The following TAF4 variants were observed in gnomAD, a reference collection of about 807,000 sequenced individuals.
The protein encoded by TAF4 is transcription initiation factor TFIID subunit 4.
TAF4 carries 9 observed loss-of-function variants against 90.3 expected under a neutral mutation model. The observed-to-expected ratio is 0.10, with a 90% CI of 0.06 to 0.17. The LOEUF is 0.17. Ranked by LOEUF, TAF4 falls within the 10% of genes least tolerant of loss-of-function variation. TAF4 has a pLI of 1.00. For synonymous variants in TAF4, 818 were observed against 638.9 expected (o/e 1.28, Z -4.23); for missense variants, 1,351 against 1,370.7 (o/e 0.99, Z 0.23).
chr20:62,010,309 C>T lies in TAF4; in HGVS notation c.1642-144G>A. 8.0e-7 allele frequency: 1 copy of T among 1,245,540 alleles called. No homozygotes were observed. Among genetic ancestry groups the T allele is most frequent in the East Asian group, 2.5e-5 (1 of 40,342 alleles). 77.2% of individuals were successfully genotyped at this position (1,245,540 alleles called of 1,614,324 possible). A position where few individuals can be genotyped will look rare whatever the true frequency, so the allele number is the denominator to read the frequency against. ...GAAGCCAAGGACCCCGGCCACCTGCCAGCCCGCTGGACACGGGAGTGCTGC... is the reference window on the plus strand; with the variant it reads ...GAAGCCAAGGACCCCGGCCACCTGCTAGCCCGCTGGACACGGGAGTGCTGC... On this transcript the variant is annotated intron_variant, in intron 3 of 14. Transcript: ENST00000252996. The surrounding 1 kb of genome is among the most constrained non-coding windows in gnomAD (Gnocchi z 4.5).
At chr20:62,060,880 T>C (rs1002496514) in intron 1 of TAF4, among the ~76,000 whole-genome samples, 2 of 151,986 alleles carry the variant, frequency 1.3e-5, no homozygotes, top group Non-Finnish European at 2.9e-5. Flanking sequence ...TGAGAAAACA[T>C]CCAGTCTGGA....
intron 1 of TAF4, among the ~76,000 whole-genome samples, chr20:62,050,410 C>T (rs930509255): frequency 2.0e-5 from 3 of 152,128 alleles, no homozygotes; most frequent in African/African-American, 7.2e-5. Context: ...CAACTTCTGA[C>T]GACTCTTCCC....
intron 14 of TAF4, among the ~76,000 whole-genome samples, chr20:61,977,239 C>T (rs1408136516): frequency 1.3e-5 from 2 of 150,194 alleles, no homozygotes; most frequent in African/African-American, 4.9e-5. Context: ...CAGCGGGGCG[C>T]GCACCACACA....
intron 1 of TAF4, among the ~76,000 whole-genome samples, chr20:62,022,017 G>A (rs890213476): frequency 2.0e-5 from 3 of 152,010 alleles, no homozygotes; most frequent in East Asian, 1.9e-4. Flanking sequence ...GAGGCGGAGC[G>A]GGCCCTCCAG....
Position 62,034,056 on chromosome 20 carries a change from A to G in TAF4, c.1361-19349T>C, listed in dbSNP as rs572109582. ...GACTCTGTCTCCAAAAAAAAAAAAA[A>G]GAAAATGAGTGGGAAAGAACTTCCT... is the stretch of plus-strand genomic sequence containing the variant. On this transcript the variant is annotated intron_variant, in intron 1 of 14. Coordinates refer to ENST00000252996, the MANE Select transcript of TAF4 (RefSeq NM_003185.4). Among the ~76,000 whole-genome samples the G allele has an allele frequency of 4.6e-5, 7 of 152,040 alleles. No homozygotes were observed. The East Asian group carries it at 1.4e-3, about 29-fold the overall frequency.
rs1023662569 is a variant in TAF4, at chr20:62,050,851, G to A, written c.1360+13600C>T. Among the ~76,000 whole-genome samples the A allele has an allele frequency of 6.3e-4, 96 of 151,974 alleles. 2 individuals carry two copies. The highest frequency in any genetic ancestry group is 2.2e-3 in the African/African-American group (91 of 41,462). ...CCCCACACCTGGCCCCCCAGAACAA[G>A]GCATGCCCAGCGCTGCTTCCTCCTG... On this transcript the variant is annotated intron_variant, in intron 1 of 14. Transcript: ENST00000252996.
chr20:62,065,805 C>T lies in TAF4; in HGVS notation c.6G>A (p.Ala2=), dbSNP rs1600871079. ...CCTCGTCCAGCAGATCCGAGCCCGC[C>T]GCCATCTTTTTTCCTCGGCCGCCGC... is the stretch of plus-strand genomic sequence containing the variant. M[A]AGSDLLDEVF... is the part of the protein sequence containing the mutation. The change falls in exon 1 of 15, where the codon GCG becomes GCA. Residue 2 remains alanine, a synonymous_variant. Coordinates refer to ENST00000252996, the MANE Select transcript of TAF4 (RefSeq NM_003185.4). 2.3e-6 allele frequency: 3 copies of T among 1,297,476 alleles called. No homozygotes were observed. The highest frequency in any genetic ancestry group is 3.0e-6 in the Non-Finnish European group (3 of 1,001,514). The allele number at this position is 1,297,476 out of a possible 1,614,324, so 80.4% of individuals were successfully genotyped here.
chr20:62,057,572 C>G (rs151086289), intron 1 of TAF4, among the ~76,000 whole-genome samples: 17 of 152,324 alleles, frequency 1.1e-4, no homozygotes, highest in Admixed American at 3.3e-4. Flanking sequence ...TCGGCGCTTT[C>G]CAGTGATGCC....
intron 3 of TAF4, 167 bp downstream of exon 3, chr20:62,012,648 G>T: frequency 2.2e-6 from 2 of 903,892 alleles, no homozygotes; most frequent in Non-Finnish European, 3.1e-6. Context: ...ATCCCATGTT[G>T]GTGGTCAAAG....
At chr20:62,040,528 G>A (rs2055957759) in intron 1 of TAF4, among the ~76,000 whole-genome samples, 1 of 152,260 alleles carries the variant, frequency 6.6e-6, no homozygotes, top group Admixed American at 6.5e-5. Context: ...GTACTCGACG[G>A]TGGTGGTGAC....
chr20:62,064,768 T>C lies in TAF4; in HGVS notation c.1043A>G (p.Lys348Arg). 8.8e-7 allele frequency: 1 copy of C among 1,131,370 alleles called. No individual in the cohort carries two copies. The highest frequency in any genetic ancestry group is 1.1e-6 in the Non-Finnish European group (1 of 927,188). The allele number at this position is 1,131,370 out of a possible 1,614,324, so 70.1% of individuals were successfully genotyped here. A position where few individuals can be genotyped will look rare whatever the true frequency, so the allele number is the denominator to read the frequency against. The change falls in exon 1 of 15, where the codon AAG becomes AGG. Residue 348 changes from lysine to arginine, a missense_variant. Transcript: ENST00000252996. Reference protein sequence around the residue: ...PAPGVKAESPKRVVQAAPPAA... With the variant: ...PAPGVKAESPRRVVQAAPPAA... The stretch of plus-strand genomic sequence containing the variant: ...CGGGGGCGCCGCCTGCACCACCCTC[T>C]TGGGCGACTCGGCCTTGACCCCCGG...
At position 61,975,914 on chromosome 20, in the gene TAF4, G is replaced by C; in HGVS notation, c.*254C>G. 2.0e-6 allele frequency: 1 copy of C among 495,022 alleles called. No individual in the cohort carries two copies. The highest frequency in any genetic ancestry group is 2.8e-5 in the South Asian group (1 of 35,572). 30.7% of individuals were successfully genotyped at this position (495,022 alleles called of 1,614,324 possible). ...AACGATTCCATCAGTCTTTATATAT[G>C]GCTTGTTTGGCAGGAAGGCCACTCA... On this transcript the variant is annotated 3_prime_UTR_variant, in exon 15 of 15. Transcript: ENST00000252996.
intron 14 of TAF4, among the ~76,000 whole-genome samples, chr20:61,987,448 G>C (rs182016288): frequency 1.5e-4 from 23 of 152,292 alleles, no homozygotes; most frequent in African/African-American, 5.3e-4. Context: ...AATATACCAA[G>C]AACTCCTGAA....
intron 14 of TAF4, among the ~76,000 whole-genome samples, chr20:61,984,368 T>G (rs1442447189): frequency 2.0e-5 from 3 of 152,082 alleles, no homozygotes; most frequent in Non-Finnish European, 4.4e-5. Flanking sequence ...CACCAACCCC[T>G]CAATTCAGCA....
chr20:62,065,556 C>T lies in TAF4; in HGVS notation c.255G>A (p.Ala85=). ...PAAPAEGAPG[A]APEPPPAGRA... ...TACCTGCGGGGGGCGGCTCCGGCGC[C>T]GCTCCGGGCGCGCCCTCGGCGGGGG... Residue 85 remains alanine (A), a synonymous_variant, in exon 1 of 15, where the codon GCG becomes GCA. Transcript: ENST00000252996. 1 of 976,280 alleles carries T rather than the reference C, an allele frequency of 1.0e-6. No homozygotes were observed. Among genetic ancestry groups the T allele is most frequent in the Non-Finnish European group, 1.2e-6 (1 of 826,492 alleles). 60.5% of individuals were successfully genotyped at this position (976,280 alleles called of 1,614,324 possible).
At chr20:61,998,598 G>C (rs1295120210) in intron 12 of TAF4, among the ~76,000 whole-genome samples, 2 of 152,144 alleles carry the variant, frequency 1.3e-5, no homozygotes, top group African/African-American at 4.8e-5. Flanking sequence ...CCCGTCCCTG[G>C]GGAACTGTGG....
At chr20:62,048,194 C>T (rs962752060) in intron 1 of TAF4, among the ~76,000 whole-genome samples, 6 of 152,192 alleles carry the variant, frequency 3.9e-5, no homozygotes, top group Admixed American at 3.3e-4. Context: ...CAGGCTGGCG[C>T]GTGCCTGCCC....
chr20:61,982,173 G>C (rs1225451475), intron 14 of TAF4, among the ~76,000 whole-genome samples: 1 of 22,402 alleles, frequency 4.5e-5, no homozygotes. Flanking sequence ...CACCCCACCC[G>C]AGAGGAGACA....
intron 14 of TAF4, chr20:61,981,258 G>C (rs936281331): frequency 6.6e-6 from 1 of 152,146 alleles, no homozygotes; most frequent in African/African-American, 2.4e-5. Flanking sequence ...CCAGAGCCAC[G>C]GGAAAGTCAG....
Sources: allele counts gnomAD v4.1 joint callset (sites outside exome capture counted in the v4.1 genomes callset), GRCh38; gene constraint gnomAD v4.1.1; non-coding constraint Gnocchi (gnomAD v3.1); transcripts MANE v1.5; gene names NCBI Gene and HGNC (gene_info 2026-07-23, HGNC 2026-07-21).